NEB: variants seen among roughly 807,000 people sequenced by gnomAD.
The protein encoded by NEB is nebulin, also known as nemaline myopathy type 2.
In NEB, 512 loss-of-function variants were observed where a neutral mutation model predicts 952.2. That is an observed-to-expected ratio of 0.54 (90% CI 0.50 to 0.58). The LOEUF (loss-of-function observed/expected upper bound fraction) is 0.58. Among genes scored for constraint, NEB ranks in the 20% least tolerant of loss-of-function variants. The pLI, the probability that NEB is intolerant of heterozygous loss-of-function variation, is 0.00. For missense variants in NEB, 8,428 were observed against 9,231.1 expected, an observed-to-expected ratio of 0.91 and a Z score of 3.56; for synonymous variants, 2,900 against 3,149.8, an observed-to-expected ratio of 0.92 and a Z score of 2.66.
In NEB at chr2:151,499,759, C is replaced by T. The variant is rs911674922; in HGVS notation, c.24022-369G>A. On this transcript the variant is annotated intron_variant, in intron 168 of 181. Coordinates refer to ENST00000397345, the MANE Select transcript of NEB (RefSeq NM_001164508.2). The stretch of plus-strand genomic sequence containing the variant: ...TTCTCTACAAAAAGCGTTTGTCTTA[C>T]GGTCTAACAAATATTTAACAGGCCA... Among the ~76,000 whole-genome samples the T allele has an allele frequency of 3.5e-4, 54 of 152,294 alleles. 1 individual carries two copies. Among genetic ancestry groups the T allele is most frequent in the African/African-American group, 1.3e-3 (52 of 41,564 alleles).
rs941478676 is a variant in NEB at position 151,486,058 on chromosome 2, A to G, written c.25405-125T>C. On this transcript the variant is annotated intron_variant, in intron 181 of 181. Coordinates refer to ENST00000397345, the MANE Select transcript of NEB (RefSeq NM_001164508.2). ...TAAGTTGAACAAAAGAGAATGTGCA[A>G]GCATCAACAAAGTAAAAGGAACCCA... is the stretch of plus-strand genomic sequence containing the variant. 5 of 972,124 alleles carry G rather than the reference A, an allele frequency of 5.1e-6. No homozygotes were observed. In the African/African-American group the frequency reaches 8.2e-5, roughly 16 times the overall value. 60.2% of individuals were successfully genotyped at this position (972,124 alleles called of 1,614,324 possible). A position where few individuals can be genotyped will look rare whatever the true frequency, so the allele number is the denominator to read the frequency against.
intron 11 of NEB, 77 bp from the exon 12 acceptor site, chr2:151,709,840 T>A (rs1159241058): frequency 8.8e-7 from 1 of 1,133,792 alleles, no homozygotes; most frequent in Non-Finnish European, 1.3e-6. Flanking sequence ...GACACAGGGA[T>A]TTGGAAAAGT....
intron 57 of NEB, 122 bp from the exon 58 acceptor site, chr2:151,643,475 CTTGAA>C: frequency 1.2e-6 from 1 of 859,704 alleles, no homozygotes; most frequent in South Asian, 2.5e-5. Context: ...ATTTTTAATA[CTTGAA>C]TTATTAGAAA....
At position 151,565,914 on chromosome 2, in the gene NEB, G is replaced by A. The variant is rs913744597; in HGVS notation, c.18157-94C>T. On this transcript the variant is annotated intron_variant, in intron 114 of 181. Coordinates refer to ENST00000397345, the MANE Select transcript of NEB (RefSeq NM_001164508.2). ...ACAATTTTTTCAGAAGCTTTTAAAG[G>A]ATTTCTCTCTAGTAGTTTTCTCATT... The A allele has an allele frequency of 7.3e-5, 55 of 757,176 alleles. 3 individuals are homozygous for A. The South Asian group carries it at 9.6e-4, about 13-fold the overall frequency. 46.9% of individuals were successfully genotyped at this position (757,176 alleles called of 1,614,324 possible).
intron 74 of NEB, 52 bp downstream of exon 74, chr2:151,618,223 A>T (rs1003963130): frequency 1.0e-5 from 15 of 1,492,396 alleles, no homozygotes; most frequent in Admixed American, 8.8e-5. Flanking sequence ...CAGAATTTTT[A>T]AATTGTTCTG....
intron 3 of NEB, among the ~76,000 whole-genome samples, chr2:151,729,949 A>C (rs1235688298): frequency 1.3e-5 from 2 of 152,182 alleles, no homozygotes; most frequent in African/African-American, 4.8e-5. Context: ...TGGGACATGG[A>C]AATTTTTTTC....
intron 138 of NEB, 117 bp downstream of exon 138, chr2:151,540,227 T>G (rs2093858667): frequency 1.7e-6 from 1 of 581,782 alleles, no homozygotes; most frequent in East Asian, 3.2e-5. Flanking sequence ...AAATGTGTGT[T>G]TTTTTCCTAG....
chr2:151,518,901 T>C, intron 155 of NEB, 64 bp downstream of exon 155: 1 of 1,103,926 alleles, frequency 9.1e-7, no homozygotes, highest in Admixed American at 1.8e-5. Flanking sequence ...GCATCTGGGC[T>C]CAGAAAGAAT....
intron 12 of NEB, among the ~76,000 whole-genome samples, chr2:151,708,686 C>G (rs1577217287): frequency 6.6e-6 from 1 of 152,230 alleles, no homozygotes; most frequent in East Asian, 1.9e-4. Flanking sequence ...ATGTAGTCGA[C>G]TGACCTCTGA....
Position 151,627,162 on chromosome 2 carries a change from C to A in NEB, c.10187G>T (p.Trp3396Leu), listed in dbSNP as rs1465012496. 5.0e-6 allele frequency: 8 copies of A among 1,613,952 alleles called. No homozygotes were observed. The highest frequency in any genetic ancestry group is 2.2e-5 in the South Asian group (2 of 91,074). Residue 3396 changes from tryptophan (W) to leucine (L), a missense_variant, in exon 70 of 182, where the codon TGG (tryptophan) becomes TTG (leucine). Physicochemically the swap from Trp to Leu is moderately conservative, Grantham distance 61. This residue lies in a region of NEB where 1,772 missense variants were observed against 1,960.3 expected (regional missense o/e 0.90). Transcript: ENST00000397345. ...SDLQWLRGIG[W>L]VPIGSMDVVK... ...CACATCCATAGACCCAATGGGGACC[C>A]AGCCAATGCCTCTCAGCCACTGGAG...
At chr2:151,497,511 A>G in intron 171 of NEB, 115 bp downstream of exon 171, 1 of 1,495,844 alleles carries the variant, frequency 6.7e-7, no homozygotes, top group South Asian at 1.4e-5. Flanking sequence ...TTTGCTAAAG[A>G]AATTCACAAA....
chr2:151,727,627 GT>G, intron 5 of NEB, 63 bp downstream of exon 5: 2 of 1,481,140 alleles, frequency 1.4e-6, no homozygotes, highest in Non-Finnish European at 1.9e-6. Context: ...CCAAAACAGA[GT>G]GAGTTGAGAT....
At chr2:151,709,793 G>T in intron 11 of NEB, 30 bp from the exon 12 acceptor site, 1 of 1,491,048 alleles carries the variant, frequency 6.7e-7, no homozygotes, top group Non-Finnish European at 9.2e-7. Flanking sequence ...CTGAAGAACT[G>T]CTGTGGAAAT....
chr2:151,708,537 A>G (rs951933912), intron 12 of NEB, among the ~76,000 whole-genome samples: 3 of 152,094 alleles, frequency 2.0e-5, no homozygotes, highest in African/African-American at 7.2e-5. Flanking sequence ...GAAGGACCCC[A>G]GAGCTCAGCC....
Position 151,485,676 on chromosome 2 carries a change from CTTAGGTAA to C in NEB, c.*76_*83del. 7.5e-7 allele frequency: 1 copy of C among 1,325,002 alleles called. No homozygotes were observed. The highest frequency in any genetic ancestry group is 1.0e-6 in the Non-Finnish European group (1 of 976,176). 82.1% of individuals were successfully genotyped at this position (1,325,002 alleles called of 1,614,324 possible). On this transcript the variant is annotated 3_prime_UTR_variant, in exon 182 of 182. Coordinates refer to ENST00000397345, the MANE Select transcript of NEB (RefSeq NM_001164508.2). Reference sequence around the variant, plus strand: ...AGAAAAACCATAGGCAGCTTGAGAACTTAGGTAACAGTGGAGAGTCTAAACCGAAACAT... The same window carrying C: ...AGAAAAACCATAGGCAGCTTGAGAACCAGTGGAGAGTCTAAACCGAAACAT...
rs1487001842 is a variant in NEB, at chr2:151,682,649, C to G, written c.2943+13G>C. The stretch of plus-strand genomic sequence containing the variant: ...AGTCACCACTCTCCCTCTGACACAC[C>G]CAGTGGCTTTACCTCATTGAGGATG... On this transcript the variant is annotated intron_variant, in intron 29 of 181. Transcript: ENST00000397345. 15 of 1,593,844 alleles carry G rather than the reference C, an allele frequency of 9.4e-6. No individual in the cohort carries two copies. Among genetic ancestry groups the G allele is most frequent in the Non-Finnish European group, 1.3e-5 (15 of 1,163,530 alleles).
rs1302646606 is a variant in NEB at position 151,535,883 on chromosome 2, ATAAT to A, written c.21208-92_21208-89del. On this transcript the variant is annotated intron_variant, in intron 141 of 181. Transcript: ENST00000397345. ...CTGTTTATCATATGATATAATTGTG[ATAAT>A]TAATTCATAGAACTAACACATATTC... is the stretch of plus-strand genomic sequence containing the variant. 189 of 704,244 alleles carry A rather than the reference ATAAT, an allele frequency of 2.7e-4. 3 individuals are homozygous for A. In the East Asian group the frequency reaches 5.2e-3, roughly 20 times the overall value. The allele number at this position is 704,244 out of a possible 1,614,324, so 43.6% of individuals were successfully genotyped here.
In NEB at chr2:151,570,188, C is replaced by T. The variant is rs748173187; in HGVS notation, c.17323G>A (p.Ala5775Thr). ...CGGTAATCCATGTCACTGACCAGAG[C>T]CTGGGAATTTTTAGAGTGCAGGATG... ...LSILHSKNSQ[A>T]LVSDMDYRNY... The change falls in exon 109 of 182, where the codon GCT becomes ACT. Residue 5775 changes from alanine to threonine, a missense_variant. This residue lies in a region of NEB where 3,374 missense variants were observed against 3,651.5 expected (regional missense o/e 0.92). Coordinates refer to ENST00000397345, the MANE Select transcript of NEB (RefSeq NM_001164508.2). The T allele has an allele frequency of 5.0e-6, 8 of 1,613,658 alleles. No homozygotes were observed. The highest frequency in any genetic ancestry group is 4.4e-5 in the South Asian group (4 of 90,996).
Position 151,650,327 on chromosome 2 carries a change from A to C in NEB, c.7280T>G (p.Leu2427Trp). The change falls in exon 54 of 182, where the codon TTG becomes TGG. Residue 2427 changes from leucine (L) to tryptophan (W), a missense_variant. Physicochemically the swap from Leu to Trp is moderately conservative, Grantham distance 61. Coordinates refer to ENST00000397345, the MANE Select transcript of NEB (RefSeq NM_001164508.2). ...GTTCTTTTCTGCCTCTAAAGAACCC[A>C]AGGGACTCCATCCTATGCCTCTCAG... ...EWLRGIGWSP[L>W]GSLEAEKNKR... 1 of 1,613,930 alleles carries C rather than the reference A, an allele frequency of 6.2e-7. No individual in the cohort carries two copies. Among genetic ancestry groups the C allele is most frequent in the South Asian group, 1.1e-5 (1 of 91,088 alleles).
Sources: gnomAD v4.1 joint callset for allele counts (sites outside exome capture counted in the v4.1 genomes callset) on GRCh38, gnomAD v4.1.1 for gene constraint, gnomAD v4.1.1 regional missense constraint, MANE v1.5 for transcripts, NCBI Gene and HGNC (gene_info 2026-07-23, HGNC 2026-07-21) for gene names.